The following PIP5K1C variants were observed in gnomAD, a reference collection of about 807,000 sequenced individuals.
PIP5K1C encodes phosphatidylinositol-4-phosphate 5-kinase type 1 gamma, also known as phosphatidylinositol 4-phosphate 5-kinase type-1 gamma.
Under a neutral mutation model 80.1 loss-of-function variants are expected in PIP5K1C, and 45 were observed. That is an observed-to-expected ratio of 0.56 (90% CI 0.44 to 0.72). The LOEUF is 0.72. PIP5K1C is among the 30% of genes least tolerant of loss of function. The pLI is 0.00. For synonymous variants in PIP5K1C, 498 were observed against 420.1 expected, an observed-to-expected ratio of 1.19 and a Z score of -2.27; for missense variants, 753 against 954.6, an observed-to-expected ratio of 0.79 and a Z score of 2.78.
intron 6 of PIP5K1C, among the ~76,000 whole-genome samples, chr19:3,653,850 C>T (rs1450190481): frequency 6.6e-6 from 1 of 152,250 alleles, no homozygotes; most frequent in Non-Finnish European, 1.5e-5. Context: ...GCTTCTGTTC[C>T]AGCAGAAGCT....
At chr19:3,690,974 G>A (rs1156830071) in intron 1 of PIP5K1C, among the ~76,000 whole-genome samples, 2 of 152,154 alleles carry the variant, frequency 1.3e-5, no homozygotes, top group Admixed American at 1.3e-4. Flanking sequence ...TCCCTGGTGG[G>A]GACACTCCAT....
At chr19:3,662,836 G>A (rs976232218) in intron 3 of PIP5K1C, among the ~76,000 whole-genome samples, 5 of 151,152 alleles carry the variant, frequency 3.3e-5, no homozygotes, top group Admixed American at 6.6e-5. Flanking sequence ...AAAATGCTGC[G>A]ATTGCACGTG....
Position 3,700,402 on chromosome 19 carries a change from G to T in PIP5K1C, c.-12C>A. The T allele has an allele frequency of 9.0e-7, 1 of 1,113,816 alleles. No homozygotes were observed. 69.0% of individuals were successfully genotyped at this position (1,113,816 alleles called of 1,614,324 possible). On this transcript the variant is annotated 5_prime_UTR_variant, in exon 1 of 18. Transcript: ENST00000335312. ...ACCTCCAGCTCCATGGCCGCGCGCG[G>T]ACGGCGGCGGGGGCGCCCGAGGGGG... is the stretch of plus-strand genomic sequence containing the variant.
At chr19:3,634,816 C>T (rs1336471922) in intron 16 of PIP5K1C, among the ~76,000 whole-genome samples, 1 of 152,260 alleles carries the variant, frequency 6.6e-6, no homozygotes, top group African/African-American at 2.4e-5. Flanking sequence ...CTACAGCTTC[C>T]ACAAGACCCC....
chr19:3,638,693 T>C (rs1348058908), intron 16 of PIP5K1C, among the ~76,000 whole-genome samples, 191 bp downstream of exon 16: 1 of 152,014 alleles, frequency 6.6e-6, no homozygotes, highest in Admixed American at 6.6e-5. Flanking sequence ...AAGGTGGGTG[T>C]GAACGTGGCT....
chr19:3,647,397 A>G lies in PIP5K1C; in HGVS notation c.1212-11T>C, dbSNP rs371348755. On this transcript the variant is annotated splice_polypyrimidine_tract_variant and intron_variant, in intron 9 of 17. Coordinates refer to ENST00000335312, the MANE Select transcript of PIP5K1C (RefSeq NM_012398.3). Reference sequence around the variant, plus strand: ...AGTTTCTTGATGAACCTGTGGAGAGAGCACCCGGAGTGGCAGCTGACATCA... The same window carrying G: ...AGTTTCTTGATGAACCTGTGGAGAGGGCACCCGGAGTGGCAGCTGACATCA... 1.3e-6 allele frequency: 2 copies of G among 1,577,374 alleles called. 1 individual carries two copies. The highest frequency in any genetic ancestry group is 2.3e-5 in the South Asian group (2 of 86,484).
intron 1 of PIP5K1C, among the ~76,000 whole-genome samples, chr19:3,686,858 A>G (rs2035777315): frequency 6.6e-6 from 1 of 152,106 alleles, no homozygotes; most frequent in South Asian, 2.1e-4. Context: ...TTAGGCAACA[A>G]TTTCTTAAAT....
At chr19:3,698,189 C>T (rs2036185012) in intron 1 of PIP5K1C, among the ~76,000 whole-genome samples, 1 of 152,236 alleles carries the variant, frequency 6.6e-6, no homozygotes, top group Non-Finnish European at 1.5e-5. Flanking sequence ...GGCCTGGAGG[C>T]ACCGATGGTG....
intron 14 of PIP5K1C, 23 bp downstream of exon 14, chr19:3,642,884 G>C (rs779190159): frequency 1.2e-6 from 2 of 1,606,376 alleles, no homozygotes; most frequent in South Asian, 2.2e-5. Context: ...GAGACCCAGG[G>C]AAGGAAGGGG....
chr19:3,640,740 G>A (rs1434004815), intron 15 of PIP5K1C, among the ~76,000 whole-genome samples: 2 of 151,360 alleles, frequency 1.3e-5, no homozygotes, highest in African/African-American at 2.4e-5. Context: ...AGGATGGAGT[G>A]CAGTGGTGCG....
rs1166940207 is a variant in PIP5K1C, at chr19:3,632,054, T to G, written c.*1113A>C. On this transcript the variant is annotated 3_prime_UTR_variant, in exon 18 of 18. Coordinates refer to ENST00000335312, the MANE Select transcript of PIP5K1C (RefSeq NM_012398.3). ...CCCAGGAAGCTGCCCCAGGGCAGTC[T>G]GGGCTGAGTCCCACCACTGGGAGCG... is the stretch of plus-strand genomic sequence containing the variant. 6.6e-5 allele frequency: 10 copies of G among 152,266 alleles called. No individual in the cohort carries two copies. Among genetic ancestry groups the G allele is most frequent in the Admixed American group, 6.5e-4 (10 of 15,288 alleles). The allele number at this position is 152,266 out of a possible 1,614,324, so 9.4% of individuals were successfully genotyped here. A position where few individuals can be genotyped will look rare whatever the true frequency, so the allele number is the denominator to read the frequency against.
At chr19:3,653,257 ACCCT>A (rs2034513017) in intron 7 of PIP5K1C, 29 bp downstream of exon 7, 2 of 1,592,750 alleles carry the variant, frequency 1.3e-6, no homozygotes, top group African/African-American at 2.7e-5. Flanking sequence ...CCCACCTGCC[ACCCT>A]CCCTCCCCGG....
chr19:3,679,435 C>T lies in PIP5K1C; in HGVS notation c.95-12082G>A, dbSNP rs186568395. 2.9e-3 allele frequency among the ~76,000 whole-genome samples: 445 copies of T among 152,350 alleles called. 5 individuals carry two copies. Among genetic ancestry groups the T allele is most frequent in the African/African-American group, 0.01 (417 of 41,588 alleles). On this transcript the variant is annotated intron_variant, in intron 1 of 17. Coordinates refer to ENST00000335312, the MANE Select transcript of PIP5K1C (RefSeq NM_012398.3). ...CCCAGGGAGACCGTCCTCACAGCCACCTTCCTACCCGCCTTGCATCCCATT... is the reference window on the plus strand; with the variant it reads ...CCCAGGGAGACCGTCCTCACAGCCATCTTCCTACCCGCCTTGCATCCCATT...
rs1378623712 is a variant in PIP5K1C at position 3,648,315 on chromosome 19, C to A, written c.1211+310G>T. 6.6e-6 allele frequency among the ~76,000 whole-genome samples: 1 copy of A among 152,202 alleles called. No homozygotes were observed. The highest frequency in any genetic ancestry group is 1.5e-5 in the Non-Finnish European group (1 of 68,044). On this transcript the variant is annotated intron_variant, in intron 9 of 17. Coordinates refer to ENST00000335312, the MANE Select transcript of PIP5K1C (RefSeq NM_012398.3). The surrounding 1 kb of genome is among the most constrained non-coding windows in gnomAD (Gnocchi z 4.3). ...TAGATTACAGGTGTGGACCACTACG[C>A]CCAACTCACTCTAGATTTTCAAGGC...
Position 3,664,929 on chromosome 19 carries a change from C to G in PIP5K1C, c.127-15G>C, listed in dbSNP as rs2034960050. On this transcript the variant is annotated splice_polypyrimidine_tract_variant and intron_variant, in intron 2 of 17. Transcript: ENST00000335312. ...ATGGACAGAACCTGGGAAGAGGAAG[C>G]AGGAAGCGTTAACTCCCTAAGGAGC... 6.2e-7 allele frequency: 1 copy of G among 1,603,328 alleles called. No individual in the cohort carries two copies. The highest frequency in any genetic ancestry group is 1.3e-5 in the African/African-American group (1 of 74,748).
intron 16 of PIP5K1C, chr19:3,636,395 C>T: frequency 1.0e-6 from 1 of 985,476 alleles, no homozygotes; most frequent in Non-Finnish European, 1.2e-6. Context: ...GGCCCCCACA[C>T]TTCCGCTTCT....
rs757674391 is a variant in PIP5K1C at position 3,648,699 on chromosome 19, C to G, written c.1137G>C (p.Gly379=). 9 of 1,612,926 alleles carry G rather than the reference C, an allele frequency of 5.6e-6. No homozygotes were observed. In the South Asian group the frequency reaches 9.9e-5, roughly 18 times the overall value. Residue 379 remains glycine (G), a synonymous_variant, in exon 9 of 18, where the codon GGG becomes GGC. Coordinates refer to ENST00000335312, the MANE Select transcript of PIP5K1C (RefSeq NM_012398.3). This position sits in a 1 kb window ranked among gnomAD's most constrained non-coding sequence, Gnocchi z 4.3. ...EAIESDDTMG[G]IPAVNGRGER... is the part of the protein sequence containing the mutation. Reference sequence around the variant, plus strand: ...CCCCGCGGCCGTTCACAGCGGGGATCCCGCCCATCCTGGGGAGAGAGGCCG... The same window carrying G: ...CCCCGCGGCCGTTCACAGCGGGGATGCCGCCCATCCTGGGGAGAGAGGCCG...
At chr19:3,661,165 T>TCTAGCAGCTGAGCCTCTAGCGGCTCAG in intron 4 of PIP5K1C, 82 bp from the exon 5 acceptor site, 2 of 917,274 alleles carry the variant, frequency 2.2e-6, no homozygotes, top group East Asian at 4.9e-5. Context: ...TCCTAGTGCC[T>TCTAGCAGCTGAGCCTCTAGCGGCTCAG]CTAGCAGCTG....
In PIP5K1C at chr19:3,643,288, A is replaced by G. The variant is rs1477474426; in HGVS notation, c.1604T>C (p.Ile535Thr). 7 of 1,613,954 alleles carry G rather than the reference A, an allele frequency of 4.3e-6. No homozygotes were observed. Among genetic ancestry groups the G allele is most frequent in the Non-Finnish European group, 3.4e-6 (4 of 1,179,954 alleles). Reference sequence around the variant, plus strand: ...CGTCTCCGAGGGGGACCGCTCAGGAATGGAGAGGGATGTGGATGACAGAGT... The same window carrying G: ...CGTCTCCGAGGGGGACCGCTCAGGAGTGGAGAGGGATGTGGATGACAGAGT... The part of the protein sequence containing the change: ...ATTLSSTSLS[I>T]PERSPSETSE... The change falls in exon 13 of 18, where the codon ATT becomes ACT. Residue 535 changes from isoleucine to threonine, a missense_variant. By Grantham distance (89) the Ile-to-Thr change is moderately conservative (BLOSUM62 -1). Transcript: ENST00000335312.
Sources: gnomAD v4.1 joint callset for allele counts (sites outside exome capture counted in the v4.1 genomes callset) on GRCh38, gnomAD v4.1.1 for gene constraint, Gnocchi (gnomAD v3.1) non-coding constraint, MANE v1.5 for transcripts, NCBI Gene and HGNC (gene_info 2026-07-23, HGNC 2026-07-21) for gene names.